The following PNLIPRP3 variants were observed in gnomAD, a reference collection of about 807,000 sequenced individuals.
PNLIPRP3 encodes pancreatic lipase-related protein 3.
PNLIPRP3 carries 58 observed loss-of-function variants against 52.8 expected under a neutral mutation model. The ratio of observed to expected loss-of-function variants is 1.10; its 90% CI spans 0.89 to 1.37. The LOEUF is 1.37. Ranked by LOEUF, PNLIPRP3 falls within the 40% of genes most tolerant of loss-of-function variation. The probability of loss-of-function intolerance (pLI) is 0.00; values close to 1 mark genes in which losing one functional copy is unlikely to be tolerated. For missense variants in PNLIPRP3, 593 were observed against 561.6 expected, an observed-to-expected ratio of 1.06 and a Z score of -0.57; for synonymous variants, 192 against 185.0, an observed-to-expected ratio of 1.04 and a Z score of -0.31.
At chr10:116,459,615 C>A (rs2099244) in intron 5 of PNLIPRP3, among the ~76,000 whole-genome samples, 20,128 of 152,064 alleles carry the variant, frequency 0.13, 2,396 homozygotes, top group African/African-American at 0.32. Flanking sequence ...TCCTAGAACT[C>A]TACACACCAG....
At chr10:116,466,204 A>G (rs1176611006) in intron 8 of PNLIPRP3, 36 bp downstream of exon 8, 2 of 1,490,476 alleles carry the variant, frequency 1.3e-6, no homozygotes, top group South Asian at 2.3e-5. Context: ...TTAATTATAA[A>G]GTAATTTTTT....
chr10:116,438,941 A>G (rs1845818376), intron 2 of PNLIPRP3, among the ~76,000 whole-genome samples: 1 of 152,236 alleles, frequency 6.6e-6, no homozygotes. Context: ...ATAATATAAC[A>G]TGGATGACCA....
chr10:116,470,720 G>T (rs560803865), intron 9 of PNLIPRP3, among the ~76,000 whole-genome samples: 1 of 152,184 alleles, frequency 6.6e-6, no homozygotes, highest in East Asian at 1.9e-4. Context: ...GTGTTAGCCA[G>T]GATGGTCTCC....
chr10:116,468,635 T>C lies in PNLIPRP3; in HGVS notation c.928-550T>C, dbSNP rs150632019. Among the ~76,000 whole-genome samples the C allele has an allele frequency of 1.5e-3, 227 of 152,312 alleles. 1 individual carries two copies. Among genetic ancestry groups the C allele is most frequent in the African/African-American group, 5.2e-3 (215 of 41,568 alleles). On this transcript the variant is annotated intron_variant, in intron 8 of 11. Transcript: ENST00000369230. ...AGCGGGGGCTTCTTACCATTTTCAG[T>C]TTGAAGTCTCCCAGCTCAAGGACTG...
Position 116,460,980 on chromosome 10 carries a change from G to C in PNLIPRP3, c.580G>C (p.Gly194Arg). 1 of 1,612,072 alleles carries C rather than the reference G, an allele frequency of 6.2e-7. No individual in the cohort carries two copies. ...LGRITGLDPA[G>R]PFFHNTPKEV... ...GCTTTCTCTAGGGTTGGACCCAGCT[G>C]GGCCATTTTTCCACAACACTCCAAA... The change falls in exon 6 of 12, where the codon GGG (glycine) becomes CGG (arginine). Residue 194 changes from glycine to arginine, a missense_variant. By Grantham distance (125) the Gly-to-Arg change is moderately radical. Coordinates refer to ENST00000369230, the MANE Select transcript of PNLIPRP3 (RefSeq NM_001011709.3).
intron 2 of PNLIPRP3, 148 bp from the exon 3 acceptor site, chr10:116,442,907 G>A: frequency 2.3e-6 from 1 of 443,574 alleles, no homozygotes; most frequent in Non-Finnish European, 3.6e-6. Flanking sequence ...ATAATATGTA[G>A]CCATAACTAT....
chr10:116,472,049 T>C (rs1340538169), intron 10 of PNLIPRP3, among the ~76,000 whole-genome samples, 170 bp downstream of exon 10: 1 of 152,168 alleles, frequency 6.6e-6, no homozygotes, highest in Non-Finnish European at 1.5e-5. Context: ...AAAGTAGAAA[T>C]CATAATATGT....
At chr10:116,471,290 G>A (rs1310406987) in intron 9 of PNLIPRP3, among the ~76,000 whole-genome samples, 6 of 152,128 alleles carry the variant, frequency 3.9e-5, no homozygotes, top group Non-Finnish European at 8.8e-5. Context: ...TATCCCTGCA[G>A]GAGAAGAAGA....
At chr10:116,444,606 C>G (rs1323582092) in intron 4 of PNLIPRP3, 93 bp downstream of exon 4, 2 of 1,256,712 alleles carry the variant, frequency 1.6e-6, no homozygotes, top group African/African-American at 3.0e-5. Context: ...TTTTTATTAG[C>G]TTAGACAGGT....
At position 116,443,118 on chromosome 10, in the gene PNLIPRP3, CG is replaced by C. The variant is rs761752779; in HGVS notation, c.269del (p.Arg90LeufsTer4). 8 of 1,611,614 alleles carry C rather than the reference CG, an allele frequency of 5.0e-6. No homozygotes were observed. In the South Asian group the frequency reaches 8.8e-5, roughly 18 times the overall value. ...ATATTTTGGAACAGACAAGATCACC[CG>C]TATCAACATAGCTGGATGGAAAACA... The part of the protein sequence containing the change: ...ASYFGTDKIT[R>X]INIAGWKTDG... On this transcript the variant is annotated frameshift_variant, in exon 3 of 12. Transcript: ENST00000369230. LOFTEE classifies it high-confidence loss of function.
At chr10:116,444,592 T>C in intron 4 of PNLIPRP3, 79 bp downstream of exon 4, 2 of 1,388,318 alleles carry the variant, frequency 1.4e-6, no homozygotes, top group Non-Finnish European at 2.0e-6. Context: ...CAATTTAATG[T>C]CTTTTTTTAT....
chr10:116,465,516 C>G (rs1846265692), intron 7 of PNLIPRP3, among the ~76,000 whole-genome samples: 1 of 151,696 alleles, frequency 6.6e-6, no homozygotes, highest in East Asian at 1.9e-4. Flanking sequence ...GCCTGGGTGA[C>G]AGAGCCAGAC....
intron 4 of PNLIPRP3, among the ~76,000 whole-genome samples, chr10:116,450,873 A>G (rs2133130240): frequency 6.6e-6 from 1 of 152,078 alleles, no homozygotes; most frequent in East Asian, 1.9e-4. Flanking sequence ...ACCCAAAGCT[A>G]TCTACAGATT....
chr10:116,434,330 A>G (rs2133110272), intron 1 of PNLIPRP3, among the ~76,000 whole-genome samples: 1 of 152,328 alleles, frequency 6.6e-6, no homozygotes, highest in East Asian at 1.9e-4. Context: ...AGATATTATT[A>G]CAAATTCTCT....
At chr10:116,459,231 C>G (rs1846156750) in intron 5 of PNLIPRP3, among the ~76,000 whole-genome samples, 1 of 151,456 alleles carries the variant, frequency 6.6e-6, no homozygotes. Flanking sequence ...CTCTTCTCTC[C>G]TGTTGCTTTT....
At chr10:116,458,396 A>T (rs1003454284) in intron 5 of PNLIPRP3, among the ~76,000 whole-genome samples, 2 of 151,768 alleles carry the variant, frequency 1.3e-5, no homozygotes, top group African/African-American at 4.8e-5. Flanking sequence ...CTCCTGAGAT[A>T]TCCTAGAACA....
At chr10:116,442,910 A>G (rs2133119448) in intron 2 of PNLIPRP3, 145 bp from the exon 3 acceptor site, 1 of 463,114 alleles carries the variant, frequency 2.2e-6, no homozygotes, top group Non-Finnish European at 3.4e-6. Flanking sequence ...ATATGTAGCC[A>G]TAACTATTTA....
intron 1 of PNLIPRP3, among the ~76,000 whole-genome samples, chr10:116,434,935 T>C (rs1339540906): frequency 1.3e-5 from 2 of 152,084 alleles, no homozygotes; most frequent in East Asian, 3.9e-4. Context: ...AACCAGAGAA[T>C]ATAGGAAAAC....
rs767204004 is a variant in PNLIPRP3 at position 116,443,175 on chromosome 10, G to C, written c.324+1G>C. The C allele has an allele frequency of 8.7e-6, 14 of 1,606,710 alleles. No homozygotes were observed. The highest frequency in any genetic ancestry group is 1.2e-5 in the Non-Finnish European group (14 of 1,176,134). ...CAAATGGCAGAGAGACATGTGCAAT[G>C]TATGACATGAATAAGCTCCTTTTTA... On this transcript the variant is annotated splice_donor_variant, in intron 3 of 11. Transcript: ENST00000369230. LOFTEE classifies it high-confidence loss of function.
Sources: gnomAD v4.1 joint callset for allele counts (sites outside exome capture counted in the v4.1 genomes callset) on GRCh38, gnomAD v4.1.1 for gene constraint, MANE v1.5 for transcripts, NCBI Gene and HGNC (gene_info 2026-07-23, HGNC 2026-07-21) for gene names.